Variants in ITPR2 observed in about 807,000 individuals in gnomAD.
ITPR2 encodes inositol 1,4,5-trisphosphate receptor type 2, also known as inositol 1,4,5-trisphosphate-gated calcium channel ITPR2.
Under a neutral mutation model 317.1 loss-of-function variants are expected in ITPR2, and 207 were observed. The observed-to-expected ratio is 0.65, with a 90% confidence interval of 0.58 to 0.73. ITPR2 has a LOEUF of 0.73. Among genes scored for constraint, ITPR2 ranks in the 30% least tolerant of loss-of-function variants. The probability of loss-of-function intolerance (pLI) is 0.00; values close to 1 mark genes in which losing one functional copy is unlikely to be tolerated. For missense variants in ITPR2, 2,613 were observed against 3,284.0 expected, an observed-to-expected ratio of 0.80 and a Z score of 4.99; for synonymous variants, 1,156 against 1,149.1, an observed-to-expected ratio of 1.01 and a Z score of -0.12.
intron 1 of ITPR2, among the ~76,000 whole-genome samples, chr12:26,816,546 G>C (rs997089997): frequency 1.3e-5 from 2 of 152,188 alleles, no homozygotes; most frequent in Admixed American, 6.5e-5. Context: ...CTATGTGACA[G>C]ACATCGTGAA....
Position 26,595,574 on chromosome 12 carries a change from A to G in ITPR2, c.4271T>C (p.Val1424Ala). 1.3e-6 allele frequency: 2 copies of G among 1,586,630 alleles called. No homozygotes were observed. Among genetic ancestry groups the G allele is most frequent in the Non-Finnish European group, 1.7e-6 (2 of 1,171,848 alleles). ...AACATAACAGTGATTAACAAAGTTC[A>G]CATAAGCAATTTTAACCTGTGCAAG... is the stretch of plus-strand genomic sequence containing the variant. ...DCIPEVKIAY[V>A]NFVNHCYVDT... Residue 1424 changes from valine (V) to alanine (A), a missense_variant, in exon 32 of 57, where the codon GTG becomes GCG. Transcript: ENST00000381340.
chr12:26,421,622 T>G (rs1236415031), intron 49 of ITPR2, among the ~76,000 whole-genome samples: 1 of 152,220 alleles, frequency 6.6e-6, no homozygotes, highest in East Asian at 1.9e-4. Flanking sequence ...ATAAAAAAGT[T>G]GACATCGTCT....
At chr12:26,551,338 A>G (rs1944521393) in intron 36 of ITPR2, among the ~76,000 whole-genome samples, 1 of 152,230 alleles carries the variant, frequency 6.6e-6, no homozygotes, top group Admixed American at 6.5e-5. Flanking sequence ...ACAGGTTCAG[A>G]CTAATTTTGC....
chr12:26,466,886 T>C (rs1942182143), intron 45 of ITPR2, among the ~76,000 whole-genome samples: 3 of 152,222 alleles, frequency 2.0e-5, no homozygotes. Context: ...CTGTGTTTTC[T>C]ACGTTCTGCA....
At chr12:26,637,485 G>T (rs1258181269) in intron 21 of ITPR2, among the ~76,000 whole-genome samples, 3 of 152,112 alleles carry the variant, frequency 2.0e-5, no homozygotes, top group Non-Finnish European at 2.9e-5. Context: ...TTAGATTACA[G>T]AAGTGTGATA....
chr12:26,623,282 T>C (rs1167625377), intron 24 of ITPR2: 6 of 152,204 alleles, frequency 3.9e-5, no homozygotes, highest in Admixed American at 2.0e-4. Context: ...GCCTGTCCCA[T>C]TTGGGACATG....
chr12:26,684,865 C>G (rs1218816213), intron 11 of ITPR2, among the ~76,000 whole-genome samples: 1 of 151,820 alleles, frequency 6.6e-6, no homozygotes, highest in African/African-American at 2.4e-5. Flanking sequence ...GGTCCCAGTC[C>G]TGGGAGGAGA....
rs768636933 is a variant in ITPR2, at chr12:26,657,885, A to G, written c.2014T>C (p.Ser672Pro). The G allele has an allele frequency of 1.2e-6, 2 of 1,613,342 alleles. No individual in the cohort carries two copies. Among genetic ancestry groups the G allele is most frequent in the Non-Finnish European group, 1.7e-6 (2 of 1,179,532 alleles). The change falls in exon 18 of 57, where the codon TCA becomes CCA. Residue 672 changes from serine (S) to proline (P), a missense_variant. Transcript: ENST00000381340. ...TCCATGGGGTTGTCTGCTTGCATTG[A>G]GACCACCCTTCAAATAAATAGCACA... Reference protein sequence around the residue: ...ADILIQTKVVSMQADNPMESS... With the variant: ...ADILIQTKVVPMQADNPMESS...
intron 52 of ITPR2, among the ~76,000 whole-genome samples, chr12:26,406,302 G>A (rs987521757): frequency 6.6e-6 from 1 of 151,546 alleles, no homozygotes; most frequent in African/African-American, 2.4e-5. Flanking sequence ...CTGTACATTC[G>A]AATGATTTTT....
chr12:26,432,861 C>T (rs1941248433), intron 48 of ITPR2, among the ~76,000 whole-genome samples: 1 of 152,128 alleles, frequency 6.6e-6, no homozygotes, highest in South Asian at 2.1e-4. Context: ...CATTTTTAAG[C>T]ACTTCTTGAA....
At chr12:26,812,904 T>C (rs953663496) in intron 1 of ITPR2, among the ~76,000 whole-genome samples, 6 of 152,242 alleles carry the variant, frequency 3.9e-5, no homozygotes, top group African/African-American at 1.4e-4. Flanking sequence ...TGACTTTAAC[T>C]TTGAAATTAA....
intron 38 of ITPR2, 103 bp downstream of exon 38, chr12:26,495,049 G>T (rs555488951): frequency 1.1e-5 from 8 of 706,534 alleles, no homozygotes; most frequent in South Asian, 6.8e-5. Flanking sequence ...ATTTTTAAAT[G>T]ACTCTTTTAT....
chr12:26,605,115 T>TAA (rs773381558), intron 26 of ITPR2, among the ~76,000 whole-genome samples: 13 of 87,062 alleles, frequency 1.5e-4, no homozygotes, highest in African/African-American at 4.9e-4. Flanking sequence ...AAATAAAAAA[T>TAA]AAAAAATAAA....
intron 2 of ITPR2, among the ~76,000 whole-genome samples, chr12:26,789,066 T>A (rs145384047): frequency 9.2e-5 from 14 of 152,280 alleles, no homozygotes; most frequent in Admixed American, 2.0e-4. Context: ...TGCCCAGGGT[T>A]AGGAGAGTAT....
intron 26 of ITPR2, among the ~76,000 whole-genome samples, chr12:26,609,888 T>C (rs527891441): frequency 6.6e-6 from 1 of 152,356 alleles, no homozygotes; most frequent in African/African-American, 2.4e-5. Flanking sequence ...CACATGTATG[T>C]CATGTGAAGG....
chr12:26,449,857 A>G (rs766313578), intron 45 of ITPR2, among the ~76,000 whole-genome samples: 13 of 152,206 alleles, frequency 8.5e-5, no homozygotes, highest in Non-Finnish European at 1.8e-4. Context: ...AATCAAGCCA[A>G]AAAGATATAC....
intron 13 of ITPR2, among the ~76,000 whole-genome samples, chr12:26,668,093 A>G (rs1360642055): frequency 6.6e-6 from 1 of 151,922 alleles, no homozygotes; most frequent in Admixed American, 6.6e-5. Flanking sequence ...TTTAGATCAA[A>G]CTCTGATTCT....
chr12:26,476,070 G>A (rs1420505779), intron 44 of ITPR2, among the ~76,000 whole-genome samples: 1 of 152,188 alleles, frequency 6.6e-6, no homozygotes, highest in Non-Finnish European at 1.5e-5. Context: ...TAGGAAATGT[G>A]TTGGTCCTTG....
rs1192987250 is a variant in ITPR2, at chr12:26,665,448, G to T, written c.1551+462C>A. 3.3e-5 allele frequency among the ~76,000 whole-genome samples: 5 copies of T among 152,304 alleles called. No individual in the cohort carries two copies. The East Asian group carries it at 9.6e-4, about 29-fold the overall frequency. ...ATCCTCTCTCCTTAACTACGGGTTA[G>T]ATTTATTAACCCATTTCTAACTAAT... On this transcript the variant is annotated intron_variant, in intron 14 of 56. Transcript: ENST00000381340.
Sources: gnomAD v4.1 joint callset for allele counts (sites outside exome capture counted in the v4.1 genomes callset) on GRCh38, gnomAD v4.1.1 for gene constraint, MANE v1.5 for transcripts, NCBI Gene and HGNC (gene_info 2026-07-23, HGNC 2026-07-21) for gene names.